RAPH1: variants seen among roughly 807,000 people sequenced by gnomAD.
RAPH1 encodes Ras association (RalGDS/AF-6) and pleckstrin homology domains 1.
In RAPH1, 18 loss-of-function variants were observed where a neutral mutation model predicts 88.1. The observed-to-expected ratio is 0.20, with a 90% CI of 0.14 to 0.30. RAPH1 has a LOEUF of 0.30. RAPH1 is among the 10% of genes least tolerant of loss of function. RAPH1 has a pLI of 1.00. For synonymous variants in RAPH1, 587 were observed against 559.0 expected, an observed-to-expected ratio of 1.05 and a Z score of -0.71; for missense variants, 1,448 against 1,543.2, an observed-to-expected ratio of 0.94 and a Z score of 1.03.
At chr2:203,503,827 T>C (rs188049652) in intron 1 of RAPH1, among the ~76,000 whole-genome samples, 40 of 152,294 alleles carry the variant, frequency 2.6e-4, no homozygotes, top group African/African-American at 9.6e-4. Context: ...AATACAGCCG[T>C]TCCAAATGGG....
At chr2:203,474,817 C>T (rs2098535971) in intron 4 of RAPH1, among the ~76,000 whole-genome samples, 1 of 152,198 alleles carries the variant, frequency 6.6e-6, no homozygotes, top group African/African-American at 2.4e-5. Context: ...ATTTAAAATA[C>T]ATAGCACAGA....
At chr2:203,504,272 T>C (rs1688874018) in intron 1 of RAPH1, among the ~76,000 whole-genome samples, 1 of 152,210 alleles carries the variant, frequency 6.6e-6, no homozygotes, top group South Asian at 2.1e-4. Context: ...TGCCTAGGCA[T>C]CCAGGTGTTT....
At chr2:203,497,163 C>T (rs1167765279) in intron 1 of RAPH1, among the ~76,000 whole-genome samples, 1 of 152,130 alleles carries the variant, frequency 6.6e-6, no homozygotes, top group Non-Finnish European at 1.5e-5. Flanking sequence ...TTTGTTCTTC[C>T]ACTCTTCTGC....
chr2:203,531,747 T>A (rs769153772), intron 1 of RAPH1, among the ~76,000 whole-genome samples: 1 of 152,156 alleles, frequency 6.6e-6, no homozygotes, highest in South Asian at 2.1e-4. Flanking sequence ...AAAAGAAGTG[T>A]TGGCAAGATA....
chr2:203,470,305 A>G, intron 4 of RAPH1: 5 of 1,607,918 alleles, frequency 3.1e-6, no homozygotes, highest in Non-Finnish European at 4.2e-6. Flanking sequence ...CCCTGTCCAG[A>G]TAGGAGTGCT....
chr2:203,513,395 G>A (rs1689450594), intron 1 of RAPH1, among the ~76,000 whole-genome samples: 1 of 124,562 alleles, frequency 8.0e-6, no homozygotes, highest in Non-Finnish European at 1.6e-5. Context: ...CGCTCTGTCG[G>A]CCAGGCTGAA....
chr2:203,439,841 T>C lies in RAPH1; in HGVS notation c.3349A>G (p.Lys1117Glu). Reference protein sequence around the residue: ...QPQQWSKMSVKKAPPPTRPKR... With the variant: ...QPQQWSKMSVEKAPPPTRPKR... ...GGTCGTGTGGGTGGAGGGGCCTTCT[T>C]CACTGACATTTTAGACCATTGTTGT... Residue 1117 changes from lysine (K) to glutamate (E), a missense_variant, in exon 14 of 14, where the codon AAG becomes GAG. Around this residue, in one of 2 missense-constraint regions of RAPH1, gnomAD observed 935 missense variants for 890.1 expected, o/e 1.05. Coordinates refer to ENST00000319170, the MANE Select transcript of RAPH1 (RefSeq NM_213589.3). 1 of 1,614,016 alleles carries C rather than the reference T, an allele frequency of 6.2e-7. No individual in the cohort carries two copies. Among genetic ancestry groups the C allele is most frequent in the Non-Finnish European group, 8.5e-7 (1 of 1,179,998 alleles).
Position 203,439,901 on chromosome 2 carries a change from T to C in RAPH1, c.3289A>G (p.Thr1097Ala). 1 of 1,613,706 alleles carries C rather than the reference T, an allele frequency of 6.2e-7. No homozygotes were observed. The highest frequency in any genetic ancestry group is 8.5e-7 in the Non-Finnish European group (1 of 1,179,958). The change falls in exon 14 of 14, where the codon ACC (threonine) becomes GCC (alanine). Residue 1097 changes from threonine (T) to alanine (A), a missense_variant. By Grantham distance (58) the Thr-to-Ala change is moderately conservative. Transcript: ENST00000319170. Reference protein sequence around the residue: ...IEIPAVFSGNTSPKVAVVNPQ... With the variant: ...IEIPAVFSGNASPKVAVVNPQ... ...TTAACGACTGCCACTTTTGGAGAGG[T>C]GTTTCCCGAGAAAACTGCTGGAATC...
chr2:203,508,643 G>A (rs193198796), intron 1 of RAPH1, among the ~76,000 whole-genome samples: 1 of 152,078 alleles, frequency 6.6e-6, no homozygotes, highest in East Asian at 1.9e-4. Context: ...GACCCACACA[G>A]TGCAAACCTG....
Position 203,439,444 on chromosome 2 carries a change from T to G in RAPH1, c.3746A>C (p.Asp1249Ala), listed in dbSNP as rs1410276949. 1 of 1,613,496 alleles carries G rather than the reference T, an allele frequency of 6.2e-7. No homozygotes were observed. Among genetic ancestry groups the G allele is most frequent in the African/African-American group, 1.3e-5 (1 of 75,036 alleles). ...KRDQNTKLSR[D>A]W is the part of the protein sequence containing the mutation. The stretch of plus-strand genomic sequence containing the variant: ...AATAAAGTCCTATGGTGGCTACCAG[T>G]CTCTGGAGAGCTTGGTGTTCTGGTC... Residue 1249 changes from aspartate (D) to alanine (A), a missense_variant, in exon 14 of 14, where the codon GAC becomes GCC. This residue lies in a region of RAPH1 where 935 missense variants were observed against 890.1 expected (regional missense o/e 1.05). Coordinates refer to ENST00000319170, the MANE Select transcript of RAPH1 (RefSeq NM_213589.3).
rs1316600612 is a variant in RAPH1 at position 203,448,875 on chromosome 2, A to C, written c.1414-39T>G. ...GACAAAATCCAACTAAGTCCCTTGGAGAACTAAAGAAAAACAAACTTTATC... is the reference window on the plus strand; with the variant it reads ...GACAAAATCCAACTAAGTCCCTTGGCGAACTAAAGAAAAACAAACTTTATC... On this transcript the variant is annotated intron_variant, in intron 10 of 13. Coordinates refer to ENST00000319170, the MANE Select transcript of RAPH1 (RefSeq NM_213589.3). The surrounding 1 kb of genome is among the most constrained non-coding windows in gnomAD (Gnocchi z 4.1). The C allele has an allele frequency of 9.2e-6, 13 of 1,412,898 alleles. No homozygotes were observed. The highest frequency in any genetic ancestry group is 1.3e-5 in the Non-Finnish European group (13 of 1,013,896). The allele number at this position is 1,412,898 out of a possible 1,614,324, so 87.5% of individuals were successfully genotyped here.
chr2:203,525,056 T>G (rs1302939305), intron 1 of RAPH1, among the ~76,000 whole-genome samples: 1 of 152,218 alleles, frequency 6.6e-6, no homozygotes, highest in Non-Finnish European at 1.5e-5. Context: ...CCAAGATAAA[T>G]GAAACATCTG....
Position 203,436,006 on chromosome 2 carries a change from G to T in RAPH1, c.*3431C>A, listed in dbSNP as rs147780493. 232 of 152,298 alleles carry T rather than the reference G, an allele frequency of 1.5e-3. No homozygotes were observed. The highest frequency in any genetic ancestry group is 5.3e-3 in the African/African-American group (221 of 41,550). 9.4% of individuals were successfully genotyped at this position (152,298 alleles called of 1,614,324 possible). On this transcript the variant is annotated 3_prime_UTR_variant, in exon 14 of 14. Transcript: ENST00000319170. Reference sequence around the variant, plus strand: ...GCAGCAAATAAAACTTGAATTGGATGTACAGCTCCTAATAACCTTGATGTC... The same window carrying T: ...GCAGCAAATAAAACTTGAATTGGATTTACAGCTCCTAATAACCTTGATGTC...
In RAPH1 at chr2:203,433,829, A is replaced by G. The variant is rs531130435; in HGVS notation, c.*5608T>C. On this transcript the variant is annotated 3_prime_UTR_variant, in exon 14 of 14. Coordinates refer to ENST00000319170, the MANE Select transcript of RAPH1 (RefSeq NM_213589.3). ...AAGTCCCCATGTTTAAATGAAATCT[A>G]TGAATTTTTTTTATTAAGGATTTGA... 115 of 151,172 alleles carry G rather than the reference A, an allele frequency of 7.6e-4. No individual in the cohort carries two copies. Among genetic ancestry groups the G allele is most frequent in the African/African-American group, 2.6e-3 (108 of 41,378 alleles). The allele number at this position is 151,172 out of a possible 1,614,324, so 9.4% of individuals were successfully genotyped here.
chr2:203,492,964 C>G (rs1214748290), intron 2 of RAPH1, among the ~76,000 whole-genome samples: 1 of 152,098 alleles, frequency 6.6e-6, no homozygotes, highest in Admixed American at 6.5e-5. Context: ...TGTTTTAATT[C>G]TAAGTTGAAA....
chr2:203,450,584 A>G (rs2153637434), intron 10 of RAPH1, among the ~76,000 whole-genome samples: 1 of 152,340 alleles, frequency 6.6e-6, no homozygotes, highest in Middle Eastern at 3.4e-3. Context: ...ATTGAGAACT[A>G]TTTGCCAGGT....
At chr2:203,514,981 ATATT>A (rs1452298489) in intron 1 of RAPH1, among the ~76,000 whole-genome samples, 2 of 152,180 alleles carry the variant, frequency 1.3e-5, no homozygotes. Context: ...TAATGCTGCC[ATATT>A]TATTATGTGG....
At chr2:203,496,821 C>T (rs746057381) in intron 1 of RAPH1, among the ~76,000 whole-genome samples, 2 of 152,150 alleles carry the variant, frequency 1.3e-5, no homozygotes, top group Non-Finnish European at 1.5e-5. Flanking sequence ...CCATATGTTA[C>T]ATTAAATACT....
intron 4 of RAPH1, among the ~76,000 whole-genome samples, chr2:203,467,323 G>C (rs2098529293): frequency 6.6e-6 from 1 of 152,092 alleles, no homozygotes. Flanking sequence ...GGGCATGGTG[G>C]CTCACGCCTA....
Sources: allele counts gnomAD v4.1 joint callset (sites outside exome capture counted in the v4.1 genomes callset), GRCh38; gene constraint gnomAD v4.1.1; regional missense constraint gnomAD v4.1.1; non-coding constraint Gnocchi (gnomAD v3.1); transcripts MANE v1.5; gene names NCBI Gene and HGNC (gene_info 2026-07-23, HGNC 2026-07-21).